HIBCH: variants seen among roughly 807,000 people sequenced by gnomAD.
HIBCH encodes 3-hydroxyisobutyryl-CoA hydrolase.
HIBCH carries 50 observed loss-of-function variants against 58.2 expected under a neutral mutation model. The observed-to-expected ratio is 0.86, with a 90% CI of 0.68 to 1.09. The LOEUF (loss-of-function observed/expected upper bound fraction) is 1.09. HIBCH is among the 50% of genes least tolerant of loss of function. HIBCH has a pLI of 0.00. For missense variants in HIBCH, 450 were observed against 449.7 expected, an observed-to-expected ratio of 1.00 and a Z score of -0.01; for synonymous variants, 151 against 146.9, an observed-to-expected ratio of 1.03 and a Z score of -0.20.
intron 7 of HIBCH, among the ~76,000 whole-genome samples, chr2:190,256,387 T>C (rs1051011711): frequency 6.8e-6 from 1 of 147,824 alleles, no homozygotes; most frequent in Non-Finnish European, 1.5e-5. Context: ...CAAAGCAAGA[T>C]CTTGCCCCAG....
intron 6 of HIBCH, among the ~76,000 whole-genome samples, chr2:190,275,268 G>T (rs191519284): frequency 6.6e-6 from 1 of 152,214 alleles, no homozygotes; most frequent in African/African-American, 2.4e-5. Flanking sequence ...AGTTGGGGAG[G>T]GAAACAGGAG....
chr2:190,226,916 A>G (rs547101729), intron 11 of HIBCH, among the ~76,000 whole-genome samples: 1 of 152,338 alleles, frequency 6.6e-6, no homozygotes, highest in African/African-American at 2.4e-5. Context: ...CCACTGCTCA[A>G]CGAAATAAAA....
intron 11 of HIBCH, among the ~76,000 whole-genome samples, chr2:190,232,366 C>T (rs1243953035): frequency 6.6e-6 from 1 of 152,172 alleles, no homozygotes; most frequent in African/African-American, 2.4e-5. Context: ...ACACCTACTT[C>T]CCTTTTGGCA....
rs750337514 is a variant in HIBCH, at chr2:190,244,915, C to G, written c.863G>C (p.Gly288Ala). The change falls in exon 11 of 14, where the codon GGT (glycine) becomes GCT (alanine). Residue 288 changes from glycine to alanine, a missense_variant. Physicochemically the swap from Gly to Ala is moderately conservative, Grantham distance 60. Transcript: ENST00000359678. ...EEIIENLQQD[G>A]SSFALEQLKV... ...CAATTGCTCTAGGGCAAAAGATGAACCATCTTGCTGTAAGTTTTCAATAAT... is the reference window on the plus strand; with the variant it reads ...CAATTGCTCTAGGGCAAAAGATGAAGCATCTTGCTGTAAGTTTTCAATAAT... 2.5e-5 allele frequency: 40 copies of G among 1,611,524 alleles called. 2 individuals are homozygous for G. The South Asian group carries it at 3.8e-4, about 15-fold the overall frequency.
chr2:190,200,313 C>A (rs1690190796), downstream of HIBCH: 3 of 638,924 alleles, frequency 4.7e-6, no homozygotes, highest in Non-Finnish European at 8.3e-6. Flanking sequence ...ATTTTAAGTA[C>A]TTCTATGTTA....
chr2:190,272,212 G>C (rs1342590776), intron 6 of HIBCH, among the ~76,000 whole-genome samples: 1 of 152,180 alleles, frequency 6.6e-6, no homozygotes, highest in Non-Finnish European at 1.5e-5. Flanking sequence ...TAAGCTCTAG[G>C]AGAAAGGAAA....
Position 190,268,155 on chromosome 2 carries a change from C to T in HIBCH, c.439-6921G>A, listed in dbSNP as rs564325040. 6.6e-5 allele frequency among the ~76,000 whole-genome samples: 10 copies of T among 152,290 alleles called. No homozygotes were observed. The South Asian group carries it at 2.1e-3, about 32-fold the overall frequency. ...TTAAATGTACTATCTAACCATTCTA[C>T]AATTATGGTATGTCCTACCTCAAAT... On this transcript the variant is annotated intron_variant, in intron 6 of 13. Transcript: ENST00000359678.
At chr2:190,200,283 GAAC>G (rs1397666607), downstream of HIBCH, 3 of 706,338 alleles carry the variant, frequency 4.2e-6, no homozygotes, top group African/African-American at 1.8e-5. Flanking sequence ...ACTATTATAA[GAAC>G]AACTAGGATG....
rs1690610596 is a variant in HIBCH at position 190,215,617 on chromosome 2, A to G, written c.892-2542T>C. 6.6e-6 allele frequency: 1 copy of G among 152,222 alleles called. No homozygotes were observed. 9.4% of individuals were successfully genotyped at this position (152,222 alleles called of 1,614,324 possible). ...CTAAGAAACTGCAAAAGGTTAATGG[A>G]TGGAATGAAAAACCAATTAAGGAAT... On this transcript the variant is annotated intron_variant, in intron 11 of 13. Transcript: ENST00000359678. This position sits in a 1 kb window ranked among gnomAD's most constrained non-coding sequence, Gnocchi z 4.4.
At chr2:190,212,090 C>T (rs1690522711) in intron 12 of HIBCH, among the ~76,000 whole-genome samples, 1 of 152,196 alleles carries the variant, frequency 6.6e-6, no homozygotes, top group Non-Finnish European at 1.5e-5. Context: ...GAGTCAATAA[C>T]AGTACCTATC....
intron 4 of HIBCH, among the ~76,000 whole-genome samples, chr2:190,293,208 T>A (rs1225641890): frequency 1.3e-5 from 2 of 152,058 alleles, no homozygotes; most frequent in Non-Finnish European, 2.9e-5. Flanking sequence ...ATGCATGTTG[T>A]TGGGAGGCCG....
chr2:190,296,507 C>A (rs1688107455), intron 3 of HIBCH, among the ~76,000 whole-genome samples: 1 of 151,484 alleles, frequency 6.6e-6, no homozygotes, highest in Non-Finnish European at 1.5e-5. Flanking sequence ...CTCTCAGAGG[C>A]AGAACCAGTA....
intron 6 of HIBCH, among the ~76,000 whole-genome samples, chr2:190,266,684 T>C (rs534849544): frequency 3.7e-4 from 56 of 152,148 alleles, no homozygotes; most frequent in African/African-American, 1.3e-3. Context: ...CGCGCCCGCC[T>C]CGGCCTCCCA....
At chr2:190,280,494 A>C (rs1687677388) in intron 6 of HIBCH, among the ~76,000 whole-genome samples, 1 of 152,192 alleles carries the variant, frequency 6.6e-6, no homozygotes. Context: ...AGTAGACAGA[A>C]AACACCTGAA....
intron 2 of HIBCH, among the ~76,000 whole-genome samples, chr2:190,301,626 C>A (rs1688264170): frequency 6.6e-6 from 1 of 152,186 alleles, no homozygotes; most frequent in South Asian, 2.1e-4. Context: ...ATCACAAACA[C>A]AACTGTCTTA....
At chr2:190,235,173 C>T (rs554742484) in intron 11 of HIBCH, among the ~76,000 whole-genome samples, 3 of 152,270 alleles carry the variant, frequency 2.0e-5, no homozygotes, top group Admixed American at 6.5e-5. Flanking sequence ...TACAGCCCTT[C>T]GTATTTATTG....
At chr2:190,294,020 G>GTATA (rs1413194024) in intron 4 of HIBCH, among the ~76,000 whole-genome samples, 7,717 of 125,146 alleles carry the variant, frequency 0.062, 263 homozygotes, top group East Asian at 0.094. Context: ...TATATTTTGT[G>GTATA]TGTATATATA....
chr2:190,210,552 C>G lies in HIBCH; in HGVS notation c.1012-1639G>C, dbSNP rs1690493299. On this transcript the variant is annotated intron_variant, in intron 12 of 13. Transcript: ENST00000359678. This position sits in a 1 kb window ranked among gnomAD's most constrained non-coding sequence, Gnocchi z 5.5. ...TGATCAATTCTTTAAAGTATAAGAT[C>G]ATGGCATTCCTCTCCTCATAATCAC... 6.6e-6 allele frequency among the ~76,000 whole-genome samples: 1 copy of G among 152,186 alleles called. No homozygotes were observed. The highest frequency in any genetic ancestry group is 1.5e-5 in the Non-Finnish European group (1 of 68,036).
At chr2:190,275,786 T>A (rs985426482) in intron 6 of HIBCH, among the ~76,000 whole-genome samples, 1 of 152,236 alleles carries the variant, frequency 6.6e-6, no homozygotes, top group Admixed American at 6.5e-5. Context: ...ATCTTGTTCA[T>A]GCCCTAATTG....
Sources: allele counts gnomAD v4.1 joint callset (sites outside exome capture counted in the v4.1 genomes callset), GRCh38; gene constraint gnomAD v4.1.1; non-coding constraint Gnocchi (gnomAD v3.1); transcripts MANE v1.5; gene names NCBI Gene and HGNC (gene_info 2026-07-23, HGNC 2026-07-21).